The following ASIC2 variants were observed in gnomAD, a reference collection of about 807,000 sequenced individuals.
ASIC2 encodes the protein acid sensing ion channel subunit 2, also known as acid-sensing ion channel 2.
Under a neutral mutation model 57.3 loss-of-function variants are expected in ASIC2, and 25 were observed. The ratio of observed to expected loss-of-function variants is 0.44; its 90% CI spans 0.32 to 0.61. The LOEUF is 0.61. Ranked by LOEUF, ASIC2 falls within the 20% of genes least tolerant of loss-of-function variation. ASIC2 has a pLI of 0.06. For synonymous variants in ASIC2, 319 were observed against 307.5 expected (o/e 1.04, Z -0.39); for missense variants, 641 against 738.1 (o/e 0.87, Z 1.52).
chr17:33,792,613 C>T (rs186616282), intron 1 of ASIC2: 4 of 152,182 alleles, frequency 2.6e-5, no homozygotes, highest in South Asian at 2.1e-4. Flanking sequence ...GTTCTGAATT[C>T]GTAGATATCT....
rs143658585 is a variant in ASIC2 at position 33,870,896 on chromosome 17, G to T, written c.555+285082C>A. Reference sequence around the variant, plus strand: ...GTGCTAAACATAATAAACTCTGATGGCTGCTTCAGTAGGAAGGCAGGAGCT... The same window carrying T: ...GTGCTAAACATAATAAACTCTGATGTCTGCTTCAGTAGGAAGGCAGGAGCT... On this transcript the variant is annotated intron_variant, in intron 1 of 9. Coordinates refer to the ASIC2 transcript ENST00000359872. Among the ~76,000 whole-genome samples, 105 of 152,310 alleles carry T rather than the reference G, an allele frequency of 6.9e-4. 1 individual carries two copies. The highest frequency in any genetic ancestry group is 2.5e-3 in the African/African-American group (104 of 41,578).
At chr17:34,034,868 C>G (rs1006562297) in intron 1 of ASIC2, among the ~76,000 whole-genome samples, 1 of 152,086 alleles carries the variant, frequency 6.6e-6, no homozygotes, top group African/African-American at 2.4e-5. Context: ...AAAGAGGACA[C>G]AAACAAATGG....
intron 1 of ASIC2, among the ~76,000 whole-genome samples, chr17:33,516,064 C>T (rs1597759674): frequency 6.6e-6 from 1 of 152,076 alleles, no homozygotes; most frequent in African/African-American, 2.4e-5. Flanking sequence ...AAGATCCTGA[C>T]ACTGCACTCC....
chr17:33,402,749 C>T (rs562100649), intron 1 of ASIC2, among the ~76,000 whole-genome samples: 18 of 152,178 alleles, frequency 1.2e-4, no homozygotes, highest in Admixed American at 3.3e-4. Context: ...AGTGAACATA[C>T]GCGTGTACGT....
intron 1 of ASIC2, among the ~76,000 whole-genome samples, chr17:34,063,848 A>G (rs1440410029): frequency 6.6e-6 from 1 of 152,198 alleles, no homozygotes; most frequent in African/African-American, 2.4e-5. Context: ...AAGGAAAACT[A>G]CAAAACACTG....
At chr17:33,641,216 T>C (rs1051678769) in intron 1 of ASIC2, among the ~76,000 whole-genome samples, 1 of 152,206 alleles carries the variant, frequency 6.6e-6, no homozygotes, top group Admixed American at 6.5e-5. Flanking sequence ...GCCCAGCTTA[T>C]AGACAGTTCT....
rs1597893979 is a variant in ASIC2 at position 33,830,644 on chromosome 17, C to T, written c.555+325334G>A. Among the ~76,000 whole-genome samples the T allele has an allele frequency of 2.6e-5, 4 of 152,030 alleles. 1 individual carries two copies. In the South Asian group the frequency reaches 8.3e-4, roughly 32 times the overall value. Reference sequence around the variant, plus strand: ...CATGGGCCACGGTGGTTTCCTGCACCTATCAACCTGTCATCTAGATTTTAA... The same window carrying T: ...CATGGGCCACGGTGGTTTCCTGCACTTATCAACCTGTCATCTAGATTTTAA... On this transcript the variant is annotated intron_variant, in intron 1 of 9. Coordinates refer to the ASIC2 transcript ENST00000359872.
intron 1 of ASIC2, among the ~76,000 whole-genome samples, chr17:33,317,535 C>T (rs541338568): frequency 1.3e-5 from 2 of 152,334 alleles, no homozygotes; most frequent in African/African-American, 4.8e-5. Context: ...AAAATTCCTT[C>T]TCCTTTTTAC....
At chr17:33,566,234 G>A (rs1916230277) in intron 1 of ASIC2, among the ~76,000 whole-genome samples, 1 of 152,206 alleles carries the variant, frequency 6.6e-6, no homozygotes, top group Non-Finnish European at 1.5e-5. Context: ...TGAGATAATT[G>A]CATTTTGTTT....
At chr17:33,816,688 C>T (rs1427312491) in intron 1 of ASIC2, 1 of 152,184 alleles carries the variant, frequency 6.6e-6, no homozygotes, top group Non-Finnish European at 1.5e-5. Flanking sequence ...GTCCTTGTCC[C>T]CTACTCACCA....
chr17:33,054,976 G>A (rs912107370), intron 3 of ASIC2, among the ~76,000 whole-genome samples: 3 of 152,164 alleles, frequency 2.0e-5, no homozygotes, highest in Non-Finnish European at 4.4e-5. Context: ...ACATGGCCTT[G>A]GGTCAGTTCC....
At chr17:33,026,825 T>A (rs562576174) in intron 4 of ASIC2, among the ~76,000 whole-genome samples, 1 of 152,216 alleles carries the variant, frequency 6.6e-6, no homozygotes. Flanking sequence ...CATGTTTTTT[T>A]CCTTATCATT....
chr17:33,489,479 C>G (rs982569538), intron 1 of ASIC2, among the ~76,000 whole-genome samples: 4 of 152,280 alleles, frequency 2.6e-5, no homozygotes, highest in African/African-American at 9.6e-5. Flanking sequence ...GTCTCCTTAC[C>G]TCTGTCATCT....
chr17:33,707,534 A>G (rs1241511178), intron 1 of ASIC2, among the ~76,000 whole-genome samples: 1 of 152,178 alleles, frequency 6.6e-6, no homozygotes, highest in African/African-American at 2.4e-5. Flanking sequence ...TCTAGGAGAA[A>G]TTTTATTTGT....
chr17:33,777,020 G>A (rs1597871823), intron 1 of ASIC2, among the ~76,000 whole-genome samples: 2 of 152,100 alleles, frequency 1.3e-5, no homozygotes, highest in Non-Finnish European at 2.9e-5. Context: ...TTACCACCAA[G>A]CCGATGTCTG....
At chr17:33,186,135 G>C (rs1454117224) in intron 1 of ASIC2, among the ~76,000 whole-genome samples, 1 of 151,926 alleles carries the variant, frequency 6.6e-6, no homozygotes, top group Non-Finnish European at 1.5e-5. Context: ...CTTTGAGACA[G>C]AGTCTCGCTT....
intron 1 of ASIC2, among the ~76,000 whole-genome samples, chr17:33,255,719 C>T (rs763791432): frequency 1.3e-5 from 2 of 152,004 alleles, no homozygotes; most frequent in Non-Finnish European, 2.9e-5. Context: ...AAATAGAAAA[C>T]GAAAGGCTCT....
At chr17:33,138,130 G>A (rs1169166488) in intron 1 of ASIC2, among the ~76,000 whole-genome samples, 1 of 152,166 alleles carries the variant, frequency 6.6e-6, no homozygotes, top group Non-Finnish European at 1.5e-5. Flanking sequence ...CACCAGGAAA[G>A]CCAGAATTCT....
At chr17:33,577,264 G>T (rs143278238) in intron 1 of ASIC2, among the ~76,000 whole-genome samples, 1 of 152,278 alleles carries the variant, frequency 6.6e-6, no homozygotes, top group East Asian at 1.9e-4. Flanking sequence ...TCTGGAACAT[G>T]TTATGCTCCC....
Sources: gnomAD v4.1 joint callset for allele counts (sites outside exome capture counted in the v4.1 genomes callset) on GRCh38, gnomAD v4.1.1 for gene constraint, MANE v1.5 for transcripts, NCBI Gene and HGNC (gene_info 2026-07-23, HGNC 2026-07-21) for gene names.